COL28A1: variants seen among roughly 807,000 people sequenced by gnomAD.
COL28A1 encodes collagen alpha-1(XXVIII) chain.
A neutral mutation model predicts 150.2 loss-of-function variants in COL28A1; 161 were observed. The observed-to-expected ratio is 1.07, with a 90% confidence interval of 0.94 to 1.22. The LOEUF is 1.22. COL28A1 is among the 50% of genes most tolerant of loss of function. The pLI, the probability that COL28A1 is intolerant of heterozygous loss-of-function variation, is 0.00. For missense variants in COL28A1, 1,617 were observed against 1,388.3 expected, an observed-to-expected ratio of 1.16 and a Z score of -2.62; for synonymous variants, 552 against 469.7, an observed-to-expected ratio of 1.18 and a Z score of -2.26.
At chr7:7,451,776 C>G (rs1786711256) in intron 18 of COL28A1, among the ~76,000 whole-genome samples, 1 of 152,050 alleles carries the variant, frequency 6.6e-6, no homozygotes, top group African/African-American at 2.4e-5. Context: ...AAAATGGCAG[C>G]TATTATTACT....
intron 4 of COL28A1, among the ~76,000 whole-genome samples, chr7:7,522,784 A>G (rs1002810583): frequency 6.9e-6 from 1 of 144,102 alleles, no homozygotes; most frequent in Admixed American, 7.0e-5. Flanking sequence ...AAAATACACT[A>G]ACACTAACGA....
chr7:7,450,874 A>G (rs1786638599), intron 18 of COL28A1, among the ~76,000 whole-genome samples: 2 of 152,246 alleles, frequency 1.3e-5, no homozygotes, highest in South Asian at 4.1e-4. Context: ...GAGGCATACA[A>G]AAACACAAAT....
intron 27 of COL28A1, among the ~76,000 whole-genome samples, chr7:7,403,616 G>A (rs528222518): frequency 2.6e-5 from 4 of 152,234 alleles, no homozygotes; most frequent in Admixed American, 2.6e-4. Flanking sequence ...TTTCTTAAAT[G>A]TATGTACTAA....
intron 15 of COL28A1, among the ~76,000 whole-genome samples, chr7:7,457,329 G>T (rs551433396): frequency 6.6e-6 from 1 of 152,292 alleles, no homozygotes; most frequent in South Asian, 2.1e-4. Context: ...AGGTGGTGGG[G>T]AGTGCTCAAA....
chr7:7,498,015 T>C (rs192154143), intron 11 of COL28A1, among the ~76,000 whole-genome samples: 18 of 152,268 alleles, frequency 1.2e-4, no homozygotes, highest in Admixed American at 1.1e-3. Context: ...AGAAAAAGAC[T>C]CCATAATAAC....
intron 3 of COL28A1, among the ~76,000 whole-genome samples, chr7:7,530,135 G>A (rs1412019888): frequency 6.6e-6 from 1 of 152,058 alleles, no homozygotes; most frequent in Non-Finnish European, 1.5e-5. Flanking sequence ...GCCTTTATAG[G>A]GTTAAGCATG....
chr7:7,517,971 C>T (rs1781508118), intron 6 of COL28A1, 134 bp from the exon 7 acceptor site: 2 of 845,920 alleles, frequency 2.4e-6, no homozygotes, highest in Middle Eastern at 2.8e-4. Context: ...TTGACATTTT[C>T]ACTATGCAAT....
intron 11 of COL28A1, among the ~76,000 whole-genome samples, chr7:7,492,640 G>C (rs554839433): frequency 5.9e-5 from 8 of 135,142 alleles, no homozygotes; most frequent in Non-Finnish European, 1.1e-4. Context: ...AATTGCGAAA[G>C]AGAACCAGAA....
intron 4 of COL28A1, 25 bp from the exon 5 acceptor site, chr7:7,521,986 T>C (rs375512637): frequency 7.8e-6 from 7 of 901,208 alleles, no homozygotes; most frequent in Non-Finnish European, 9.5e-6. Context: ...AAATATGATA[T>C]TAACACACAG....
At chr7:7,393,488 G>C (rs1166548388) in intron 27 of COL28A1, among the ~76,000 whole-genome samples, 1 of 152,210 alleles carries the variant, frequency 6.6e-6, no homozygotes, top group Non-Finnish European at 1.5e-5. Flanking sequence ...CGCTGGGCTG[G>C]GAGATGCACT....
At chr7:7,440,940 G>C in intron 20 of COL28A1, 79 bp from the exon 21 acceptor site, 2 of 734,222 alleles carry the variant, frequency 2.7e-6, no homozygotes, top group Non-Finnish European at 4.9e-6. Context: ...CCATAGCGGA[G>C]CCGGATTCTC....
At chr7:7,435,504 G>A (rs920195249) in intron 23 of COL28A1, among the ~76,000 whole-genome samples, 10 of 152,040 alleles carry the variant, frequency 6.6e-5, no homozygotes, top group East Asian at 1.9e-4. Context: ...CTTCAATCCC[G>A]GGCAAACTAG....
At chr7:7,542,123 G>A in the COL28A1 span, among the ~76,000 whole-genome samples, 1 of 152,218 alleles carries the variant, frequency 6.6e-6, no homozygotes, top group East Asian at 1.9e-4. Context: ...GCCGAGGCGG[G>A]CAGATCACAA....
At chr7:7,512,886 C>T (rs1046068077) in intron 8 of COL28A1, among the ~76,000 whole-genome samples, 2 of 152,202 alleles carry the variant, frequency 1.3e-5, no homozygotes, top group African/African-American at 4.8e-5. Flanking sequence ...TGCTCTAGGG[C>T]ATGTTACTGG....
the COL28A1 span, among the ~76,000 whole-genome samples, chr7:7,347,241 A>ACCTGTTACAGCCT: frequency 1.1e-4 from 16 of 152,200 alleles, no homozygotes; most frequent in South Asian, 2.1e-3. Flanking sequence ...GACTTAAAAT[A>ACCTGTTACAGCCT]CCTGTTACAG....
chr7:7,391,540 TTC>T (rs1388071098), intron 27 of COL28A1, among the ~76,000 whole-genome samples: 1 of 152,200 alleles, frequency 6.6e-6, no homozygotes, highest in African/African-American at 2.4e-5. Flanking sequence ...CTTGTTAATT[TTC>T]TGTCTCGTTA....
At chr7:7,475,800 T>C (rs1418752330) in intron 14 of COL28A1, among the ~76,000 whole-genome samples, 1 of 152,228 alleles carries the variant, frequency 6.6e-6, no homozygotes, top group African/African-American at 2.4e-5. Flanking sequence ...CTTTCGGTGA[T>C]GTCATGCCAA....
At chr7:7,465,259 C>T (rs557822404) in intron 15 of COL28A1, among the ~76,000 whole-genome samples, 642 of 33,724 alleles carry the variant, frequency 0.019, 3 homozygotes, top group South Asian at 0.17. Context: ...GCACCGTGCG[C>T]GAGCCGAAGC....
At chr7:7,459,083 G>A (rs1787393247) in intron 15 of COL28A1, among the ~76,000 whole-genome samples, 1 of 152,212 alleles carries the variant, frequency 6.6e-6, no homozygotes, top group Admixed American at 6.5e-5. Flanking sequence ...AGATGGTATT[G>A]AGGGAACAGC....
Sources: gnomAD v4.1 joint callset for allele counts (sites outside exome capture counted in the v4.1 genomes callset) on GRCh38, gnomAD v4.1.1 for gene constraint, MANE v1.5 for transcripts, NCBI Gene and HGNC (gene_info 2026-07-23, HGNC 2026-07-21) for gene names.